ASAH1: variants seen among roughly 807,000 people sequenced by gnomAD.
The protein encoded by ASAH1 is N-acylsphingosine amidohydrolase 1.
A neutral mutation model predicts 59.5 loss-of-function variants in ASAH1; 70 were observed. That is an observed-to-expected ratio of 1.18 (90% CI 0.97 to 1.43). The LOEUF (loss-of-function observed/expected upper bound fraction) is 1.43, where lower values mean the gene tolerates loss of function less well. Ranked by LOEUF, ASAH1 falls within the 40% of genes most tolerant of loss-of-function variation. The probability of loss-of-function intolerance (pLI) is 0.00; values close to 1 mark genes in which losing one functional copy is unlikely to be tolerated. For synonymous variants in ASAH1, 213 were observed against 166.5 expected (o/e 1.28, Z -2.15); for missense variants, 660 against 482.5 (o/e 1.37, Z -3.45).
upstream of ASAH1, chr8:18,084,230 CT>C (rs528639148): frequency 2.2e-4 from 320 of 1,477,702 alleles, no homozygotes; most frequent in African/African-American, 2.7e-4. Flanking sequence ...GAGGACGGGG[CT>C]TTTCAGTGCC....
chr8:18,064,537 A>G lies in ASAH1; in HGVS notation c.383-6T>C. ...ATTGAATGAAATAATCTCTCCTATG[A>G]GAAAAGAAAATTTTGTGTTAATATA... On this transcript the variant is annotated splice_polypyrimidine_tract_variant and splice_region_variant and intron_variant, in intron 5 of 13. Coordinates refer to ENST00000637790, the MANE Select transcript of ASAH1 (RefSeq NM_177924.5). 1.3e-6 allele frequency: 2 copies of G among 1,486,174 alleles called. No individual in the cohort carries two copies. Among genetic ancestry groups the G allele is most frequent in the Non-Finnish European group, 9.3e-7 (1 of 1,073,056 alleles). The allele number at this position is 1,486,174 out of a possible 1,614,324, so 92.1% of individuals were successfully genotyped here.
Position 18,061,447 on chromosome 8 carries a change from A to T in ASAH1, c.715T>A (p.Trp239Arg). ...INGGYLGILE[W>R]ILGKKDVMWI... ...ATGACATCTTTCTTTCCCAGAATCC[A>T]TTCTAGAATACCTGGAAGAGATGAA... Residue 239 changes from tryptophan to arginine, a missense_variant, in exon 10 of 14, where the codon TGG (tryptophan) becomes AGG (arginine). Physicochemically the swap from Trp to Arg is moderately radical, Grantham distance 101 (BLOSUM62 -3). Transcript: ENST00000637790. The T allele has an allele frequency of 6.2e-7, 1 of 1,612,024 alleles. No individual in the cohort carries two copies. The highest frequency in any genetic ancestry group is 8.5e-7 in the Non-Finnish European group (1 of 1,178,022).
upstream of ASAH1, chr8:18,084,272 A>G: frequency 6.9e-7 from 1 of 1,444,572 alleles, no homozygotes. Flanking sequence ...AAAGAGAGAG[A>G]GCCTTCCAGG....
intron 1 of ASAH1, among the ~76,000 whole-genome samples, chr8:18,079,098 G>A (rs912910533): frequency 9.3e-5 from 14 of 150,574 alleles, no homozygotes; most frequent in Admixed American, 8.0e-4. Flanking sequence ...CCAACATGGC[G>A]AAATCCCCGT....
intron 3 of ASAH1, among the ~76,000 whole-genome samples, chr8:18,070,423 C>A (rs571022743): frequency 6.6e-6 from 1 of 152,060 alleles, no homozygotes; most frequent in East Asian, 1.9e-4. Flanking sequence ...GCTGGGATTA[C>A]AGGCATGAGC....
chr8:18,074,222 A>T (rs1800296012), intron 2 of ASAH1, among the ~76,000 whole-genome samples: 1 of 152,236 alleles, frequency 6.6e-6, no homozygotes, highest in Non-Finnish European at 1.5e-5. Flanking sequence ...ATGTCACTGA[A>T]GGCCAGAATG....
rs748521468 is a variant in ASAH1 at position 18,069,857 on chromosome 8, G to C, written c.238C>G (p.Leu80Val). 2 of 1,589,670 alleles carry C rather than the reference G, an allele frequency of 1.3e-6. No homozygotes were observed. The highest frequency in any genetic ancestry group is 8.6e-7 in the Non-Finnish European group (1 of 1,160,562). The change falls in exon 4 of 14, where the codon CTG becomes GTG. Residue 80 changes from leucine (L) to valine (V), a missense_variant. By Grantham distance (32) the Leu-to-Val change is conservative (BLOSUM62 1). Transcript: ENST00000637790. ...APVLKVIVNS[L>V]KNMINTFVPS... Reference sequence around the variant, plus strand: ...ACGAATGTATTTATCATATTCTTCAGAGAATTCACTATAACCTTTAGCTGA... The same window carrying C: ...ACGAATGTATTTATCATATTCTTCACAGAATTCACTATAACCTTTAGCTGA...
chr8:18,077,221 G>A (rs1436495357), intron 1 of ASAH1, among the ~76,000 whole-genome samples: 5 of 152,148 alleles, frequency 3.3e-5, no homozygotes, highest in African/African-American at 1.2e-4. Flanking sequence ...TATATTGCCG[G>A]TTCAATAACA....
At chr8:18,082,110 T>C (rs1287866349) in intron 1 of ASAH1, among the ~76,000 whole-genome samples, 1 of 152,240 alleles carries the variant, frequency 6.6e-6, no homozygotes, top group Non-Finnish European at 1.5e-5. Context: ...AGTTTTGCAT[T>C]CTTATTTTTC....
chr8:18,084,928 A>T, upstream of ASAH1: 2 of 1,389,588 alleles, frequency 1.4e-6, no homozygotes, highest in South Asian at 1.2e-5. Context: ...ATCCGTGGAC[A>T]CAGTCGCGCG....
At chr8:18,083,768 G>A (rs1445816536) in intron 1 of ASAH1, 1 of 926,058 alleles carries the variant, frequency 1.1e-6, no homozygotes, top group African/African-American at 1.7e-5. Context: ...TTCCTTTAAA[G>A]GAGTTCTAGT....
At chr8:18,059,144 G>T in intron 12 of ASAH1, 197 bp downstream of exon 12, 1 of 824,288 alleles carries the variant, frequency 1.2e-6, no homozygotes, top group Non-Finnish European at 1.9e-6. Flanking sequence ...TCCAGCATTA[G>T]AACCAGAAAA....
chr8:18,056,226 C>T lies in ASAH1; in HGVS notation c.*1308G>A, dbSNP rs1217612588. ...CACCACCTATCTGGGGGAAAAACTG[C>T]CTTTAAACACCTGCAAATTGGGTTG... is the stretch of plus-strand genomic sequence containing the variant. On this transcript the variant is annotated 3_prime_UTR_variant, in exon 14 of 14. Transcript: ENST00000637790. 6.6e-6 allele frequency: 1 copy of T among 152,114 alleles called. No homozygotes were observed. The highest frequency in any genetic ancestry group is 1.5e-5 in the Non-Finnish European group (1 of 68,014). 9.4% of individuals were successfully genotyped at this position (152,114 alleles called of 1,614,324 possible). A position where few individuals can be genotyped will look rare whatever the true frequency, so the allele number is the denominator to read the frequency against.
rs191780123 is a variant in ASAH1, at chr8:18,057,245, C to T, written c.*289G>A. On this transcript the variant is annotated 3_prime_UTR_variant, in exon 14 of 14. Transcript: ENST00000637790. Reference sequence around the variant, plus strand: ...CACGGAGGTGGAGTTCACCATGGTTCGACTGCCCACCAGATCCCCAAATGT... The same window carrying T: ...CACGGAGGTGGAGTTCACCATGGTTTGACTGCCCACCAGATCCCCAAATGT... 12 of 336,986 alleles carry T rather than the reference C, an allele frequency of 3.6e-5. No homozygotes were observed. Among genetic ancestry groups the T allele is most frequent in the Admixed American group, 8.1e-5 (2 of 24,702 alleles). 20.9% of individuals were successfully genotyped at this position (336,986 alleles called of 1,614,324 possible). A position where few individuals can be genotyped will look rare whatever the true frequency, so the allele number is the denominator to read the frequency against.
chr8:18,084,509 TA>T (rs1800815455), upstream of ASAH1: 7 of 1,348,260 alleles, frequency 5.2e-6, no homozygotes, highest in Admixed American at 6.2e-5. Context: ...GTCTCAACAC[TA>T]ATGTAACATC....
At chr8:18,083,772 T>A in intron 1 of ASAH1, 2 of 954,980 alleles carry the variant, frequency 2.1e-6, no homozygotes, top group South Asian at 3.4e-5. Flanking sequence ...TTTAAAGGAG[T>A]TCTAGTTGCA....
chr8:18,082,221 T>C (rs1042182651), intron 1 of ASAH1, among the ~76,000 whole-genome samples: 1 of 152,242 alleles, frequency 6.6e-6, no homozygotes, highest in Non-Finnish European at 1.5e-5. Flanking sequence ...ATTATATCCA[T>C]TGAGAGGTTG....
In ASAH1 at chr8:18,057,542, C is replaced by G. The variant is rs757860989; in HGVS notation, c.1180G>C (p.Gly394Arg). The G allele has an allele frequency of 6.3e-7, 1 of 1,598,516 alleles. No individual in the cohort carries two copies. The highest frequency in any genetic ancestry group is 1.7e-5 in the Admixed American group (1 of 59,554). The change falls in exon 14 of 14, where the codon GGT (glycine) becomes CGT (arginine). Residue 394 changes from glycine to arginine, a missense_variant. Coordinates refer to ENST00000637790, the MANE Select transcript of ASAH1 (RefSeq NM_177924.5). ...YLRDCPDPCI[G>R]W ...GTAGGCCAGACGTGTGCTCACCAAC[C>G]TATACAAGGGTCAGGGCAGTCCCGC...
intron 4 of ASAH1, chr8:18,069,429 G>T: frequency 4.4e-6 from 1 of 226,108 alleles, no homozygotes. Context: ...TATGTCATTT[G>T]CTCATATCTA....
Sources: allele counts gnomAD v4.1 joint callset (sites outside exome capture counted in the v4.1 genomes callset), GRCh38; gene constraint gnomAD v4.1.1; transcripts MANE v1.5; gene names NCBI Gene and HGNC (gene_info 2026-07-23, HGNC 2026-07-21).